The following ST18 variants were observed in gnomAD, a reference collection of about 807,000 sequenced individuals.
ST18 encodes the protein ST18 C2H2C-type zinc finger transcription factor, also known as suppression of tumorigenicity 18 protein.
Under a neutral mutation model 110.0 loss-of-function variants are expected in ST18, and 50 were observed. The observed-to-expected ratio is 0.45, with a 90% CI of 0.36 to 0.58. The LOEUF is 0.58. Ranked by LOEUF, ST18 falls within the 20% of genes least tolerant of loss-of-function variation. ST18 has a pLI of 0.00. For synonymous variants in ST18, 461 were observed against 452.4 expected (o/e 1.02, Z -0.24); for missense variants, 1,306 against 1,280.1 (o/e 1.02, Z -0.31).
At chr8:52,189,807 CA>C (rs2073867715) in intron 8 of ST18, among the ~76,000 whole-genome samples, 1 of 152,250 alleles carries the variant, frequency 6.6e-6, no homozygotes, top group South Asian at 2.1e-4. Flanking sequence ...AAACCTGTCC[CA>C]GGGGGTGTCC....
chr8:52,362,275 C>T (rs959825130), intron 2 of ST18, among the ~76,000 whole-genome samples: 1 of 152,088 alleles, frequency 6.6e-6, no homozygotes, highest in South Asian at 2.1e-4. Context: ...ATAATGTAAG[C>T]TACCATATTT....
chr8:52,388,945 C>T (rs1036242969), intron 2 of ST18, among the ~76,000 whole-genome samples: 21 of 146,056 alleles, frequency 1.4e-4, no homozygotes, highest in African/African-American at 4.5e-4. Flanking sequence ...TGCACATGTA[C>T]CCTAAAACTT....
At chr8:52,199,828 T>C (rs144014827) in intron 8 of ST18, among the ~76,000 whole-genome samples, 4 of 152,192 alleles carry the variant, frequency 2.6e-5, no homozygotes, top group Non-Finnish European at 5.9e-5. Flanking sequence ...TGCCTCACAC[T>C]GTTGTTTAGC....
intron 14 of ST18, among the ~76,000 whole-genome samples, chr8:52,159,594 A>G (rs1474370459): frequency 6.6e-6 from 1 of 152,192 alleles, no homozygotes; most frequent in Non-Finnish European, 1.5e-5. Context: ...ATGGAATTGT[A>G]TTTTTATTAT....
Position 52,111,091 on chromosome 8 carries a change from T to TA in ST18, c.*2106dup. 1.0e-5 allele frequency: 4 copies of TA among 397,930 alleles called. No individual in the cohort carries two copies. The highest frequency in any genetic ancestry group is 1.8e-5 in the Non-Finnish European group (4 of 225,446). 24.6% of individuals were successfully genotyped at this position (397,930 alleles called of 1,614,324 possible). On this transcript the variant is annotated 3_prime_UTR_variant, in exon 26 of 26. Coordinates refer to ENST00000689386, the MANE Select transcript of ST18 (RefSeq NM_001352837.2). ...ACACATCAAGTACAAAGTAGGCAAA[T>TA]AAATACAAACATACTTCACAAAACA...
At chr8:52,318,456 T>TA (rs2096067550) in intron 2 of ST18, among the ~76,000 whole-genome samples, 1 of 152,192 alleles carries the variant, frequency 6.6e-6, no homozygotes, top group African/African-American at 2.4e-5. Context: ...GGTGGGAGTG[T>TA]AAATTGGTTC....
At chr8:52,230,671 A>T (rs778105729) in intron 2 of ST18, among the ~76,000 whole-genome samples, 59 of 90,450 alleles carry the variant, frequency 6.5e-4, no homozygotes, top group East Asian at 1.6e-3. Context: ...GATTTTTTTT[A>T]AAAAATCCTT....
intron 5 of ST18, among the ~76,000 whole-genome samples, chr8:52,218,860 G>A (rs2085481054): frequency 6.7e-6 from 1 of 149,096 alleles, no homozygotes; most frequent in Non-Finnish European, 1.5e-5. Flanking sequence ...CAGTCCTGGG[G>A]ACTCACAGCA....
At chr8:52,205,098 TACACAC>T (rs60070901) in intron 8 of ST18, among the ~76,000 whole-genome samples, 11 of 148,766 alleles carry the variant, frequency 7.4e-5, no homozygotes, top group African/African-American at 1.5e-4. Context: ...CATATATATA[TACACAC>T]ACACACACAC....
chr8:52,222,837 G>C (rs542767494), intron 3 of ST18, among the ~76,000 whole-genome samples: 1 of 152,304 alleles, frequency 6.6e-6, no homozygotes, highest in South Asian at 2.1e-4. Flanking sequence ...TATTCATGCA[G>C]TATACACATT....
At chr8:52,361,739 C>T (rs1473735398) in intron 2 of ST18, among the ~76,000 whole-genome samples, 4 of 152,162 alleles carry the variant, frequency 2.6e-5, no homozygotes, top group African/African-American at 9.7e-5. Flanking sequence ...GAGTTAACAT[C>T]TCTAAGAACA....
chr8:52,180,173 C>G lies in ST18; in HGVS notation c.226G>C (p.Asp76His). The change falls in exon 9 of 26, where the codon GAC becomes CAC. Residue 76 changes from aspartate (D) to histidine (H), a missense_variant. Asp to His is a moderately conservative substitution (Grantham distance 81). Transcript: ENST00000689386. ...PKADCQEDRS[D>H]RTEDDGPLET... ...AAGGGGCCATCGTCCTCTGTCCTGT[C>G]ACTGCGGTCTTCTTGGCAGTCTGCT... 2 of 1,614,138 alleles carry G rather than the reference C, an allele frequency of 1.2e-6. No individual in the cohort carries two copies. Among genetic ancestry groups the G allele is most frequent in the Non-Finnish European group, 1.7e-6 (2 of 1,180,032 alleles).
chr8:52,214,767 A>T (rs1315468875), intron 6 of ST18, among the ~76,000 whole-genome samples: 1 of 152,222 alleles, frequency 6.6e-6, no homozygotes, highest in East Asian at 1.9e-4. Context: ...AGAAATTTTG[A>T]TTATCAACAA....
chr8:52,264,026 T>C (rs923022392), intron 2 of ST18, among the ~76,000 whole-genome samples: 3 of 152,176 alleles, frequency 2.0e-5, no homozygotes, highest in Admixed American at 6.5e-5. Flanking sequence ...TGTGAATTCC[T>C]GACCTCAAGT....
intron 2 of ST18, among the ~76,000 whole-genome samples, chr8:52,323,066 T>C (rs1447086049): frequency 6.6e-6 from 1 of 151,924 alleles, no homozygotes; most frequent in East Asian, 1.9e-4. Flanking sequence ...CTCGGAGGAG[T>C]CCTGGGCCAA....
intron 24 of ST18, among the ~76,000 whole-genome samples, chr8:52,116,953 C>T (rs956843881): frequency 3.9e-5 from 6 of 152,100 alleles, no homozygotes; most frequent in African/African-American, 1.4e-4. Context: ...TCTTTTTGGC[C>T]TTTCCTCAAC....
chr8:52,359,575 A>G (rs1824771029), intron 2 of ST18, among the ~76,000 whole-genome samples: 1 of 152,126 alleles, frequency 6.6e-6, no homozygotes, highest in Non-Finnish European at 1.5e-5. Flanking sequence ...AGAACTTTCC[A>G]ATGAAACAGG....
intron 8 of ST18, among the ~76,000 whole-genome samples, chr8:52,210,687 A>C (rs922734224): frequency 1.3e-5 from 2 of 152,140 alleles, no homozygotes; most frequent in African/African-American, 4.8e-5. Context: ...TAAATAAATA[A>C]AAATAAAAAT....
chr8:52,373,907 G>C (rs538139976), intron 2 of ST18, among the ~76,000 whole-genome samples: 2 of 152,124 alleles, frequency 1.3e-5, no homozygotes, highest in East Asian at 3.9e-4. Flanking sequence ...ATCTCAAGTG[G>C]GGCCTCCAGG....
Sources: allele counts gnomAD v4.1 joint callset (sites outside exome capture counted in the v4.1 genomes callset), GRCh38; gene constraint gnomAD v4.1.1; transcripts MANE v1.5; gene names NCBI Gene and HGNC (gene_info 2026-07-23, HGNC 2026-07-21).